The following TRNAU1AP variants were observed in gnomAD, a reference collection of about 807,000 sequenced individuals.
The protein encoded by TRNAU1AP is tRNA selenocysteine 1 associated protein 1.
Under a neutral mutation model 43.3 loss-of-function variants are expected in TRNAU1AP, and 33 were observed. That is an observed-to-expected ratio of 0.76 (90% confidence interval 0.58 to 1.02). The LOEUF is 1.02. TRNAU1AP is among the 50% of genes least tolerant of loss of function. The probability of loss-of-function intolerance (pLI) is 0.00; values close to 1 mark genes in which losing one functional copy is unlikely to be tolerated. For missense variants in TRNAU1AP, 290 were observed against 362.7 expected (o/e 0.80, Z 1.63); for synonymous variants, 143 against 129.1 (o/e 1.11, Z -0.73).
chr1:28,564,868 G>A (rs1480186036), intron 5 of TRNAU1AP, 34 bp downstream of exon 5: 2 of 1,612,760 alleles, frequency 1.2e-6, no homozygotes, highest in Admixed American at 3.3e-5. Context: ...GCTTAACTGT[G>A]TTAGTTTCAG....
intron 4 of TRNAU1AP, 127 bp downstream of exon 4, chr1:28,561,525 C>A: frequency 9.5e-7 from 1 of 1,055,622 alleles, no homozygotes; most frequent in Non-Finnish European, 1.4e-6. Context: ...CTTCTCCCTT[C>A]CTTGCTGGTG....
chr1:28,565,798 A>AAAAGAAG (rs1437491233), intron 5 of TRNAU1AP: 2 of 152,036 alleles, frequency 1.3e-5, no homozygotes, highest in African/African-American at 2.4e-5. Context: ...AATAAAAAAA[A>AAAAGAAG]AAAGAAAAAA....
intron 6 of TRNAU1AP, among the ~76,000 whole-genome samples, chr1:28,570,394 C>T (rs7418007): frequency 0.24 from 36,934 of 151,582 alleles, 4,677 homozygotes; most frequent in Middle Eastern, 0.34. Context: ...ATTGCGGGCG[C>T]GCCATCCCAC....
In TRNAU1AP at chr1:28,578,072, A is replaced by C. The variant is rs917305800; in HGVS notation, c.*436A>C. 5 of 160,872 alleles carry C rather than the reference A, an allele frequency of 3.1e-5. No homozygotes were observed. Among genetic ancestry groups the C allele is most frequent in the African/African-American group, 1.2e-4 (5 of 41,452 alleles). The allele number at this position is 160,872 out of a possible 1,614,324, so 10.0% of individuals were successfully genotyped here. A position where few individuals can be genotyped will look rare whatever the true frequency, so the allele number is the denominator to read the frequency against. ...AGTCTGGCAGCTAGGTAGAAAAGGC[A>C]CTCTAGCAGGTGTGGTAGGAGCACG... is the stretch of plus-strand genomic sequence containing the variant. On this transcript the variant is annotated 3_prime_UTR_variant, in exon 9 of 9. Transcript: ENST00000373830.
intron 2 of TRNAU1AP, among the ~76,000 whole-genome samples, chr1:28,555,496 C>CT (rs958204626): frequency 3.0e-3 from 415 of 140,502 alleles, no homozygotes; most frequent in East Asian, 4.1e-3. Flanking sequence ...TACTCTTTTC[C>CT]TTTTTTTTTT....
intron 8 of TRNAU1AP, among the ~76,000 whole-genome samples, chr1:28,576,500 GT>G (rs1463565590): frequency 6.7e-6 from 1 of 149,766 alleles, no homozygotes; most frequent in Non-Finnish European, 1.5e-5. Context: ...TCTATTTTTA[GT>G]GGAGACGGGG....
intron 4 of TRNAU1AP, 77 bp downstream of exon 4, chr1:28,561,475 C>T (rs1207754668): frequency 9.0e-6 from 14 of 1,561,860 alleles, no homozygotes; most frequent in African/African-American, 5.5e-5. Context: ...GGAGGGGAGC[C>T]GGTTTGGCTG....
At chr1:28,574,183 G>A (rs1412711375) in intron 8 of TRNAU1AP, among the ~76,000 whole-genome samples, 1 of 151,362 alleles carries the variant, frequency 6.6e-6, no homozygotes, top group African/African-American at 2.4e-5. Flanking sequence ...TGCCTCCCAG[G>A]TTCAAGTGAT....
chr1:28,577,732 A>G lies in TRNAU1AP; in HGVS notation c.*96A>G. 7.7e-7 allele frequency: 1 copy of G among 1,305,542 alleles called. No homozygotes were observed. Among genetic ancestry groups the G allele is most frequent in the Non-Finnish European group, 1.1e-6 (1 of 943,140 alleles). 80.9% of individuals were successfully genotyped at this position (1,305,542 alleles called of 1,614,324 possible). A position where few individuals can be genotyped will look rare whatever the true frequency, so the allele number is the denominator to read the frequency against. ...CCTTTTTGGAAATATGATTTGTAAGATTTTAATAATGACTGTTTTTGGAGA... is the reference window on the plus strand; with the variant it reads ...CCTTTTTGGAAATATGATTTGTAAGGTTTTAATAATGACTGTTTTTGGAGA... On this transcript the variant is annotated 3_prime_UTR_variant, in exon 9 of 9. Coordinates refer to ENST00000373830, the MANE Select transcript of TRNAU1AP (RefSeq NM_017846.5).
At chr1:28,564,634 A>G in intron 4 of TRNAU1AP, 69 bp from the exon 5 acceptor site, 1 of 1,557,046 alleles carries the variant, frequency 6.4e-7, no homozygotes, top group African/African-American at 1.4e-5. Context: ...TACCTGGAAT[A>G]TGCAAAAGAG....
chr1:28,561,838 C>T (rs569200904), intron 4 of TRNAU1AP, among the ~76,000 whole-genome samples: 5 of 152,140 alleles, frequency 3.3e-5, no homozygotes, highest in East Asian at 1.9e-4. Flanking sequence ...TTTGGGAGGC[C>T]AAGGCGGGCG....
At chr1:28,570,764 T>C (rs935274122) in intron 6 of TRNAU1AP, among the ~76,000 whole-genome samples, 2 of 152,104 alleles carry the variant, frequency 1.3e-5, no homozygotes, top group African/African-American at 2.4e-5. Context: ...GATACACTTA[T>C]TGCATATGGT....
Position 28,571,308 on chromosome 1 carries a change from C to G in TRNAU1AP, c.663C>G (p.Pro221=), listed in dbSNP as rs199515136. The part of the protein sequence containing the change: ...QNTGSYSYSY[P]QYGYTQSTMQ... The stretch of plus-strand genomic sequence containing the variant: ...CAGGCAGCTACAGCTACAGTTACCC[C>G]CAGTATGGCTATACCCAGAGCACCA... Residue 221 remains proline, a synonymous_variant, in exon 7 of 9, where the codon CCC becomes CCG. Coordinates refer to ENST00000373830, the MANE Select transcript of TRNAU1AP (RefSeq NM_017846.5). 2 of 1,613,920 alleles carry G rather than the reference C, an allele frequency of 1.2e-6. No homozygotes were observed. The highest frequency in any genetic ancestry group is 1.7e-6 in the Non-Finnish European group (2 of 1,179,914).
intron 8 of TRNAU1AP, 100 bp downstream of exon 8, chr1:28,572,000 T>C: frequency 2.8e-6 from 3 of 1,073,510 alleles, no homozygotes; most frequent in Non-Finnish European, 4.3e-6. Context: ...TAAATTCTGC[T>C]CTGGAAGAAC....
At chr1:28,564,930 T>G (rs1665504244) in intron 5 of TRNAU1AP, 96 bp downstream of exon 5, 1 of 1,488,242 alleles carries the variant, frequency 6.7e-7, no homozygotes, top group Non-Finnish European at 9.3e-7. Flanking sequence ...GCATGGCGAT[T>G]AAGACCACAA....
chr1:28,563,959 C>G (rs1291775699), intron 4 of TRNAU1AP, among the ~76,000 whole-genome samples: 1 of 152,002 alleles, frequency 6.6e-6, no homozygotes, highest in African/African-American at 2.4e-5. Context: ...TTTGTATCAC[C>G]CACAAGCTCG....
intron 2 of TRNAU1AP, among the ~76,000 whole-genome samples, chr1:28,558,276 C>T (rs536859975): frequency 2.9e-5 from 4 of 138,314 alleles, no homozygotes; most frequent in Non-Finnish European, 4.6e-5. Context: ...AGTGCAGTGG[C>T]GTGATGTTGG....
chr1:28,553,466 G>T, intron 1 of TRNAU1AP, 174 bp from the exon 2 acceptor site: 1 of 656,194 alleles, frequency 1.5e-6, no homozygotes. Context: ...CCCTAAAGCG[G>T]GGCAAGCTTG....
At chr1:28,571,369 T>C in intron 7 of TRNAU1AP, 31 bp downstream of exon 7, 1 of 1,611,930 alleles carries the variant, frequency 6.2e-7, no homozygotes, top group South Asian at 1.1e-5. Flanking sequence ...CTGGTCCCCT[T>C]GGGTTGTGTT....
Sources: gnomAD v4.1 joint callset for allele counts (sites outside exome capture counted in the v4.1 genomes callset) on GRCh38, gnomAD v4.1.1 for gene constraint, MANE v1.5 for transcripts, NCBI Gene and HGNC (gene_info 2026-07-23, HGNC 2026-07-21) for gene names.